The following PAM variants were observed in gnomAD, a reference collection of about 807,000 sequenced individuals.
The protein encoded by PAM is peptidyl-glycine alpha-amidating monooxygenase.
A neutral mutation model predicts 122.1 loss-of-function variants in PAM; 72 were observed. The observed-to-expected ratio is 0.59, with a 90% CI of 0.49 to 0.72. The LOEUF is 0.72. Among genes scored for constraint, PAM ranks in the 30% least tolerant of loss-of-function variants. The pLI is 0.00. For missense variants in PAM, 1,106 were observed against 1,183.7 expected (o/e 0.93, Z 0.96); for synonymous variants, 389 against 404.4 (o/e 0.96, Z 0.46).
chr5:102,825,559 C>G (rs1338116998), intron 1 of PAM, among the ~76,000 whole-genome samples: 1 of 152,084 alleles, frequency 6.6e-6, no homozygotes, highest in Non-Finnish European at 1.5e-5. Flanking sequence ...AGTTCAAGCT[C>G]CAGGAGTATG....
chr5:102,962,273 CA>C (rs1762731879), intron 14 of PAM, among the ~76,000 whole-genome samples: 1 of 151,698 alleles, frequency 6.6e-6, no homozygotes, highest in Middle Eastern at 3.4e-3. Context: ...AAGTGACCTT[CA>C]AAAAAATACA....
intron 1 of PAM, among the ~76,000 whole-genome samples, chr5:102,814,623 A>G (rs1183595245): frequency 6.7e-6 from 1 of 150,138 alleles, no homozygotes; most frequent in Non-Finnish European, 1.5e-5. Flanking sequence ...ATATGTATAT[A>G]GAGGATAACT....
At chr5:102,980,285 CAT>C (rs1242604680) in intron 15 of PAM, among the ~76,000 whole-genome samples, 1 of 152,128 alleles carries the variant, frequency 6.6e-6, no homozygotes, top group Non-Finnish European at 1.5e-5. Flanking sequence ...TGTATTGAAT[CAT>C]TTCTTAAATA....
At chr5:102,800,864 A>G (rs1291376288) in intron 1 of PAM, among the ~76,000 whole-genome samples, 2 of 152,122 alleles carry the variant, frequency 1.3e-5, no homozygotes, top group East Asian at 1.9e-4. Flanking sequence ...TTAATATTTT[A>G]CAGGAATGCA....
At chr5:102,916,706 TGATA>T (rs1227293740) in intron 5 of PAM, among the ~76,000 whole-genome samples, 1 of 147,054 alleles carries the variant, frequency 6.8e-6, no homozygotes, top group Non-Finnish European at 1.5e-5. Context: ...ATATAATATA[TGATA>T]TATATTATAT....
At chr5:102,888,665 A>T in intron 3 of PAM, among the ~76,000 whole-genome samples, 1 of 151,900 alleles carries the variant, frequency 6.6e-6, no homozygotes, top group East Asian at 2.0e-4. Flanking sequence ...CTGTATTTTC[A>T]GGTCCCCCAA....
chr5:102,926,304 G>T (rs1378168419), intron 6 of PAM, among the ~76,000 whole-genome samples: 3 of 152,156 alleles, frequency 2.0e-5, no homozygotes, highest in African/African-American at 7.2e-5. Flanking sequence ...ATTTTGTTTT[G>T]CTCTGTTTCT....
At position 103,002,988 on chromosome 5, in the gene PAM, G is replaced by A. The variant is rs754808954; in HGVS notation, c.1614-45G>A. The stretch of plus-strand genomic sequence containing the variant: ...ATGGTCTGCATTTCTCAATTTCATT[G>A]GAATTTATGATTGTTTCATGTCCTA... On this transcript the variant is annotated intron_variant, in intron 16 of 25. Coordinates refer to ENST00000438793, the MANE Select transcript of PAM (RefSeq NM_001177306.2). 1.0e-5 allele frequency: 9 copies of A among 876,934 alleles called. 1 individual carries two copies. In the Admixed American group the frequency reaches 1.2e-4, roughly 12 times the overall value. 54.3% of individuals were successfully genotyped at this position (876,934 alleles called of 1,614,324 possible). A position where few individuals can be genotyped will look rare whatever the true frequency, so the allele number is the denominator to read the frequency against.
At chr5:102,789,796 G>A (rs1038374151) in intron 1 of PAM, among the ~76,000 whole-genome samples, 2 of 152,008 alleles carry the variant, frequency 1.3e-5, no homozygotes, top group Non-Finnish European at 2.9e-5. Context: ...CTAATTCTAT[G>A]TTATGTATAC....
At chr5:102,940,541 T>A (rs1672215492) in intron 7 of PAM, among the ~76,000 whole-genome samples, 1 of 150,380 alleles carries the variant, frequency 6.6e-6, no homozygotes, top group Non-Finnish European at 1.5e-5. Flanking sequence ...GTGATATATA[T>A]CAGAGGTAAG....
intron 4 of PAM, among the ~76,000 whole-genome samples, chr5:102,910,859 A>G (rs1801194214): frequency 2.0e-5 from 3 of 151,856 alleles, no homozygotes; most frequent in Admixed American, 6.6e-5. Context: ...GTATTTTTCC[A>G]TATTCTGTAT....
intron 3 of PAM, among the ~76,000 whole-genome samples, chr5:102,897,760 A>G (rs966690439): frequency 2.6e-4 from 39 of 151,686 alleles, no homozygotes; most frequent in African/African-American, 9.4e-4. Context: ...ATTCTGTACA[A>G]TAAAAGGTTA....
intron 1 of PAM, among the ~76,000 whole-genome samples, chr5:102,796,282 C>G (rs1249544646): frequency 6.6e-6 from 1 of 152,124 alleles, no homozygotes; most frequent in Non-Finnish European, 1.5e-5. Flanking sequence ...TGTTAGGAAC[C>G]AGGTTTGTCG....
intron 5 of PAM, among the ~76,000 whole-genome samples, chr5:102,920,797 A>T (rs923038687): frequency 6.9e-6 from 1 of 144,384 alleles, no homozygotes. Context: ...GGGCATGACA[A>T]TTTTTTTTTT....
chr5:102,767,094 G>A (rs2149725206), intron 1 of PAM, among the ~76,000 whole-genome samples: 1 of 151,300 alleles, frequency 6.6e-6, no homozygotes, highest in East Asian at 1.9e-4. Flanking sequence ...ACCTCCCTCT[G>A]TTAAACAACC....
At chr5:102,843,457 AAAAGTTCTTAG>A (rs1192061775) in intron 1 of PAM, among the ~76,000 whole-genome samples, 1 of 152,214 alleles carries the variant, frequency 6.6e-6, no homozygotes, top group Non-Finnish European at 1.5e-5. Context: ...TGGCTGGATA[AAAAGTTCTTAG>A]ACGTGACACT....
intron 3 of PAM, among the ~76,000 whole-genome samples, chr5:102,879,019 C>T (rs1372171460): frequency 6.6e-6 from 1 of 152,082 alleles, no homozygotes; most frequent in Non-Finnish European, 1.5e-5. Context: ...AGCTCCTCCT[C>T]CCAGGTTCAC....
At chr5:102,829,300 C>T (rs905944244) in intron 1 of PAM, among the ~76,000 whole-genome samples, 3 of 151,566 alleles carry the variant, frequency 2.0e-5, no homozygotes, top group African/African-American at 7.3e-5. Flanking sequence ...TAAACAGCTA[C>T]CTTTTTTTGG....
At chr5:103,030,894 C>T (rs559225991), downstream of PAM, 3 of 152,256 alleles carry the variant, frequency 2.0e-5, no homozygotes, top group Non-Finnish European at 2.9e-5. Flanking sequence ...CCATTGTCTT[C>T]GAGAATAGCT....
Sources: allele counts gnomAD v4.1 joint callset (sites outside exome capture counted in the v4.1 genomes callset), GRCh38; gene constraint gnomAD v4.1.1; transcripts MANE v1.5; gene names NCBI Gene and HGNC (gene_info 2026-07-23, HGNC 2026-07-21).